The following AKAP4 variants were observed in gnomAD, a reference collection of about 807,000 sequenced individuals.
AKAP4 encodes the protein A-kinase anchor protein 4.
Under a neutral mutation model 42.6 loss-of-function variants are expected in AKAP4, and 4 were observed. The observed-to-expected ratio is 0.09, with a 90% confidence interval of 0.05 to 0.22. The LOEUF is 0.22. AKAP4 is among the 10% of genes least tolerant of loss of function. The probability of loss-of-function intolerance (pLI) is 1.00; values close to 1 mark genes in which losing one functional copy is unlikely to be tolerated. For synonymous variants in AKAP4, 223 were observed against 233.0 expected (o/e 0.96, Z 0.39); for missense variants, 551 against 630.7 (o/e 0.87, Z 1.35).
rs782641171 is a variant in AKAP4 at position 50,193,240 on chromosome X, A to G, written c.1473T>C (p.Thr491=). The G allele has an allele frequency of 5.0e-6, 6 of 1,211,606 alleles. No homozygotes were observed. The highest frequency in any genetic ancestry group is 6.7e-6 in the Non-Finnish European group (6 of 895,445). The change falls in exon 5 of 6, where the codon ACT becomes ACC. Residue 491 remains threonine (T), a synonymous_variant. Transcript: ENST00000358526. ...KMKSDPCKSL[T]SAEKVGEHIL... ...TGTGTTCACCGACTTTCTCAGCACT[A>G]GTCAGTGACTTGCATGGGTCTGATT...
At position 50,192,759 on chromosome X, in the gene AKAP4, C is replaced by T; in HGVS notation, c.1954G>A (p.Glu652Lys). ...GCCCTGGGCTCAGAACACTTGTTCT[C>T]ACCTTCGCATGGATCCTCACATTTG... is the stretch of plus-strand genomic sequence containing the variant. ...PFKCEDPCEGENKCSEPRASK... is the reference protein window; with the variant it reads ...PFKCEDPCEGKNKCSEPRASK... The change falls in exon 5 of 6, where the codon GAG becomes AAG. Residue 652 changes from glutamate to lysine, a missense_variant. Glu to Lys is a moderately conservative substitution (Grantham distance 56). Transcript: ENST00000358526. 2 of 1,212,001 alleles carry T rather than the reference C, an allele frequency of 1.7e-6. No individual in the cohort carries two copies. The highest frequency in any genetic ancestry group is 2.2e-6 in the Non-Finnish European group (2 of 895,603).
rs781856565 is a variant in AKAP4 at position 50,194,233 on chromosome X, G to A, written c.480C>T (p.Ala160=). 1.2e-5 allele frequency: 15 copies of A among 1,208,187 alleles called. No individual in the cohort carries two copies. In the East Asian group the frequency reaches 2.1e-4, roughly 17 times the overall value. Residue 160 remains alanine (A), a synonymous_variant, in exon 5 of 6, where the codon GCC becomes GCT. Coordinates refer to ENST00000358526, the MANE Select transcript of AKAP4 (RefSeq NM_003886.3). ...ASSENCYSVY[A]DQVNIDYLMN... ...TCAAATAATCTATGTTCACTTGATC[G>A]GCATAGACACTGTAGCAGTTCTCAG...
chrX:50,200,487 C>G, intron 1 of AKAP4: 1 of 547,515 alleles, frequency 1.8e-6, no homozygotes, highest in Non-Finnish European at 2.3e-6. Context: ...TTGGCAAACT[C>G]AGAAACCTAT....
In AKAP4 at chrX:50,196,997, G is replaced by A. The variant is rs1402914119; in HGVS notation, c.175-5C>T. On this transcript the variant is annotated splice_region_variant and splice_polypyrimidine_tract_variant and intron_variant, in intron 3 of 5. Transcript: ENST00000358526. ...TGAGCTGGAACTAGCAGCATCCTAT[G>A]GAATTAAAGGGTGAGATTCTTAAAC... 3.5e-6 allele frequency: 4 copies of A among 1,157,086 alleles called. 1 individual carries two copies. The Admixed American group carries it at 6.6e-5, about 19-fold the overall frequency.
rs1935196822 is a variant in AKAP4 at position 50,196,834 on chromosome X, G to A, written c.276+57C>T. On this transcript the variant is annotated intron_variant, in intron 4 of 5. Coordinates refer to ENST00000358526, the MANE Select transcript of AKAP4 (RefSeq NM_003886.3). ...TACCATGTCTGATCCAGAGTCCTCAGACTCATCATTGAGCTCTGAGAATTA... is the reference window on the plus strand; with the variant it reads ...TACCATGTCTGATCCAGAGTCCTCAAACTCATCATTGAGCTCTGAGAATTA... 4.4e-6 allele frequency: 4 copies of A among 899,155 alleles called. No homozygotes were observed. In the Admixed American group the frequency reaches 8.9e-5, roughly 20 times the overall value. The allele number at this position is 899,155 out of a possible 1,213,427, so 74.1% of individuals were successfully genotyped here.
Position 50,196,988 on chromosome X carries a change from G to A in AKAP4, c.179C>T (p.Ala60Val), listed in dbSNP as rs782273178. 5 of 1,184,959 alleles carry A rather than the reference G, an allele frequency of 4.2e-6. No individual in the cohort carries two copies. The African/African-American group carries it at 5.3e-5, about 13-fold the overall frequency. Residue 60 changes from alanine to valine, a missense_variant, in exon 4 of 6, where the codon GCT becomes GTT. Ala to Val is a moderately conservative substitution (Grantham distance 64). Coordinates refer to ENST00000358526, the MANE Select transcript of AKAP4 (RefSeq NM_003886.3). ...LNVEDKDYKDAASSSSEGNLN... is the reference protein window; with the variant it reads ...LNVEDKDYKDVASSSSEGNLN... Reference sequence around the variant, plus strand: ...GTTGCCTTCTGAGCTGGAACTAGCAGCATCCTATGGAATTAAAGGGTGAGA... The same window carrying A: ...GTTGCCTTCTGAGCTGGAACTAGCAACATCCTATGGAATTAAAGGGTGAGA...
In AKAP4 at chrX:50,198,715, C is replaced by A. The variant is rs782703558; in HGVS notation, c.65G>T (p.Gly22Val). The A allele has an allele frequency of 8.3e-7, 1 of 1,209,322 alleles. No individual in the cohort carries two copies. Among genetic ancestry groups the A allele is most frequent in the Non-Finnish European group, 1.1e-6 (1 of 894,001 alleles). Reference sequence around the variant, plus strand: ...GTTGTAGAGATCTACCTTGCACACACCCCTGTGGCTGCGTAACCAGTCAAT... The same window carrying A: ...GTTGTAGAGATCTACCTTGCACACAACCCTGTGGCTGCGTAACCAGTCAAT... ...DDIDWLRSHRGVCKVDLYNPE... is the reference protein window; with the variant it reads ...DDIDWLRSHRVVCKVDLYNPE... Residue 22 changes from glycine (G) to valine (V), a missense_variant, in exon 2 of 6, where the codon GGT (glycine) becomes GTT (valine). Transcript: ENST00000358526.
chrX:50,192,768 A>T lies in AKAP4; in HGVS notation c.1945T>A (p.Cys649Ser). ...NENPFKCEDP[C>S]EGENKCSEPR... ...TCAGAACACTTGTTCTCACCTTCGC[A>T]TGGATCCTCACATTTGAAGGGGTTC... Residue 649 changes from cysteine (C) to serine (S), a missense_variant, in exon 5 of 6, where the codon TGC becomes AGC. Transcript: ENST00000358526. 1 of 1,211,789 alleles carries T rather than the reference A, an allele frequency of 8.3e-7. No homozygotes were observed. The highest frequency in any genetic ancestry group is 1.8e-5 in the South Asian group (1 of 56,988).
intron 1 of AKAP4, 144 bp from the exon 2 acceptor site, chrX:50,198,896 G>A (rs970863209): frequency 3.3e-5 from 14 of 419,745 alleles, no homozygotes; most frequent in African/African-American, 3.3e-4. Context: ...GGTGGGGTGA[G>A]CAGTGGGGGA....
chrX:50,196,741 A>T (rs1557204386), intron 4 of AKAP4, 150 bp downstream of exon 4: 1 of 428,317 alleles, frequency 2.3e-6, no homozygotes, highest in African/African-American at 2.5e-5. Flanking sequence ...GTGGTCTTGA[A>T]CTTACGCCTG....
Position 50,194,065 on chromosome X carries a change from G to T in AKAP4, c.648C>A (p.Asp216Glu). 2 of 1,211,512 alleles carry T rather than the reference G, an allele frequency of 1.7e-6. No individual in the cohort carries two copies. Among genetic ancestry groups the T allele is most frequent in the Non-Finnish European group, 2.2e-6 (2 of 895,335 alleles). Reference sequence around the variant, plus strand: ...ATAGTCGGTTGACGTAGAAGGAAAGGTCATCTATAGAACATTCTCCATCAG... The same window carrying T: ...ATAGTCGGTTGACGTAGAAGGAAAGTTCATCTATAGAACATTCTCCATCAG... ...ISPDGECSIDDLSFYVNRLSS... is the reference protein window; with the variant it reads ...ISPDGECSIDELSFYVNRLSS... Residue 216 changes from aspartate (D) to glutamate (E), a missense_variant, in exon 5 of 6, where the codon GAC becomes GAA. Transcript: ENST00000358526.
Position 50,193,137 on chromosome X carries a change from T to G in AKAP4, c.1576A>C (p.Lys526Gln). 8.3e-7 allele frequency: 1 copy of G among 1,211,798 alleles called. No individual in the cohort carries two copies. Among genetic ancestry groups the G allele is most frequent in the South Asian group, 1.8e-5 (1 of 56,979 alleles). ...CKVATKACSN[K>Q]DEKGEKINAS... ...TTGATCTTTTCTCCTTTCTCATCTT[T>G]ATTGCTGCATGCTTTGGTAGCCACC... is the stretch of plus-strand genomic sequence containing the variant. Residue 526 changes from lysine to glutamine, a missense_variant, in exon 5 of 6, where the codon AAA becomes CAA. Transcript: ENST00000358526.
chrX:50,193,690 T>C lies in AKAP4; in HGVS notation c.1023A>G (p.Ala341=), dbSNP rs376347282. 23 of 1,211,799 alleles carry C rather than the reference T, an allele frequency of 1.9e-5. No homozygotes were observed. Among genetic ancestry groups the C allele is most frequent in the Non-Finnish European group, 2.6e-5 (23 of 895,511 alleles). ...TCATGAGAGAGACCATCATGTCAGA[T>C]GCCACCTGATTTGCATAAACCATGA... The part of the protein sequence containing the change: ...KGLMVYANQV[A]SDMMVSLMKT... Residue 341 remains alanine (A), a synonymous_variant, in exon 5 of 6, where the codon GCA becomes GCG. Transcript: ENST00000358526.
rs782678573 is a variant in AKAP4 at position 50,194,274 on chromosome X, A to G, written c.439T>C (p.Tyr147His). ...KHKVGDTEGE[Y>H]HRASSENCYS... Reference sequence around the variant, plus strand: ...CAGTTCTCAGAGGATGCTCTGTGATATTCGCCCTCTGTGTCTCCTACTTTA... The same window carrying G: ...CAGTTCTCAGAGGATGCTCTGTGATGTTCGCCCTCTGTGTCTCCTACTTTA... The change falls in exon 5 of 6, where the codon TAT becomes CAT. Residue 147 changes from tyrosine to histidine, a missense_variant. Tyr to His is a moderately conservative substitution (Grantham distance 83, BLOSUM62 2). Transcript: ENST00000358526. The G allele has an allele frequency of 8.3e-7, 1 of 1,210,082 alleles. No homozygotes were observed. The highest frequency in any genetic ancestry group is 1.8e-5 in the South Asian group (1 of 56,647).
chrX:50,191,662 G>A (rs1431734386), intron 5 of AKAP4, among the ~76,000 whole-genome samples: 26 of 20,121 alleles, frequency 1.3e-3, no homozygotes, highest in Non-Finnish European at 1.6e-3. Flanking sequence ...GTGTGTGTGA[G>A]AGAGAGAAAG....
At position 50,198,759 on chromosome X, in the gene AKAP4, A is replaced by G. The variant is rs368720051; in HGVS notation, c.28-7T>C. ...AGTCAATATCATCAGACATCTGGAA[A>G]GAGAAAGAAAAGAAAGCTGAAATGC... On this transcript the variant is annotated splice_polypyrimidine_tract_variant and splice_region_variant and intron_variant, in intron 1 of 5. Transcript: ENST00000358526. 1.0e-5 allele frequency: 12 copies of G among 1,190,069 alleles called. No homozygotes were observed. The highest frequency in any genetic ancestry group is 1.4e-5 in the Non-Finnish European group (12 of 879,114).
rs782354804 is a variant in AKAP4 at position 50,197,580 on chromosome X, A to G, written c.138T>C (p.Asp46=). 1.7e-6 allele frequency: 2 copies of G among 1,206,656 alleles called. No homozygotes were observed. The highest frequency in any genetic ancestry group is 2.2e-6 in the Non-Finnish European group (2 of 891,709). Reference sequence around the variant, plus strand: ...TATCTTCTACATTCAGGGTGGACACATCGACAAAGCATATCTGCATCAAAT... The same window carrying G: ...TATCTTCTACATTCAGGGTGGACACGTCGACAAAGCATATCTGCATCAAAT... ...DQDRKVICFV[D]VSTLNVEDKD... is the part of the protein sequence containing the mutation. Residue 46 remains aspartate (D), a synonymous_variant, in exon 3 of 6, where the codon GAT becomes GAC. Coordinates refer to ENST00000358526, the MANE Select transcript of AKAP4 (RefSeq NM_003886.3).
At position 50,193,085 on chromosome X, in the gene AKAP4, T is replaced by C. The variant is rs1935135651; in HGVS notation, c.1628A>G (p.Asp543Gly). ...INASTDSLAKDLIVSALKLIQ... is the reference protein window; with the variant it reads ...INASTDSLAKGLIVSALKLIQ... ...CAGCTTAAGGGCAGAGACAATCAGG[T>C]CCTTGGCCAGTGAATCTGTGGAAGC... Residue 543 changes from aspartate (D) to glycine (G), a missense_variant, in exon 5 of 6, where the codon GAC (aspartate) becomes GGC (glycine). Coordinates refer to ENST00000358526, the MANE Select transcript of AKAP4 (RefSeq NM_003886.3). The C allele has an allele frequency of 4.1e-6, 5 of 1,211,957 alleles. No homozygotes were observed. The highest frequency in any genetic ancestry group is 4.5e-6 in the Non-Finnish European group (4 of 895,562).
rs782332911 is a variant in AKAP4 at position 50,193,756 on chromosome X, C to A, written c.957G>T (p.Gln319His). The stretch of plus-strand genomic sequence containing the variant: ...AATCTGCAAATTCTTTGCTCTCTCT[C>A]TGGGACATCTGTTTGTCTCCACTTT... ...KSKSGDKQMS[Q>H]RESKEFADSI... The change falls in exon 5 of 6, where the codon CAG (glutamine) becomes CAT (histidine). Residue 319 changes from glutamine (Q) to histidine (H), a missense_variant. By Grantham distance (24) the Gln-to-His change is conservative. Coordinates refer to ENST00000358526, the MANE Select transcript of AKAP4 (RefSeq NM_003886.3). 6.6e-6 allele frequency: 8 copies of A among 1,209,688 alleles called. No homozygotes were observed. In the South Asian group the frequency reaches 1.4e-4, roughly 21 times the overall value.
Sources: gnomAD v4.1 joint callset for allele counts (sites outside exome capture counted in the v4.1 genomes callset) on GRCh38, gnomAD v4.1.1 for gene constraint, MANE v1.5 for transcripts, NCBI Gene and HGNC (gene_info 2026-07-23, HGNC 2026-07-21) for gene names.